ZFHX3: variants seen among roughly 807,000 people sequenced by gnomAD.
ZFHX3 encodes zinc finger homeobox protein 3.
A neutral mutation model predicts 279.1 loss-of-function variants in ZFHX3; 42 were observed. The observed-to-expected ratio is 0.15, with a 90% CI of 0.12 to 0.19. The LOEUF (loss-of-function observed/expected upper bound fraction) is 0.19, where lower values mean the gene tolerates loss of function less well. ZFHX3 is among the 10% of genes least tolerant of loss of function. ZFHX3 has a pLI of 1.00. For synonymous variants in ZFHX3, 2,293 were observed against 1,957.8 expected (o/e 1.17, Z -4.52); for missense variants, 4,981 against 4,754.0 (o/e 1.05, Z -1.40).
At chr16:73,234,711 T>C (rs1476310999) in intron 5 of ZFHX3, among the ~76,000 whole-genome samples, 1 of 152,218 alleles carries the variant, frequency 6.6e-6, no homozygotes, top group Non-Finnish European at 1.5e-5. Context: ...ATGAACTTTA[T>C]CTTCCTAACT....
intron 2 of ZFHX3, among the ~76,000 whole-genome samples, chr16:73,590,683 C>T (rs78887196): frequency 0.014 from 2,198 of 152,222 alleles, 60 homozygotes; most frequent in African/African-American, 0.048. Context: ...TTACCTGTAA[C>T]GAGATATTTG....
intron 1 of ZFHX3, among the ~76,000 whole-genome samples, chr16:72,998,519 A>T (rs142211793): frequency 6.6e-6 from 1 of 152,240 alleles, no homozygotes; most frequent in Admixed American, 6.5e-5. Context: ...GGTTTTATTA[A>T]GACAGTTTCC....
chr16:73,799,516 C>G (rs1162980247), intron 1 of ZFHX3, among the ~76,000 whole-genome samples: 1 of 152,148 alleles, frequency 6.6e-6, no homozygotes, highest in Non-Finnish European at 1.5e-5. Flanking sequence ...ATGCTTGCTG[C>G]ACTCAGGGAG....
intron 1 of ZFHX3, among the ~76,000 whole-genome samples, chr16:73,692,249 G>A (rs555673882): frequency 3.7e-4 from 56 of 152,256 alleles, no homozygotes; most frequent in African/African-American, 1.2e-3. Flanking sequence ...GCAAAAGTGT[G>A]GACAGGAGGT....
intron 1 of ZFHX3, among the ~76,000 whole-genome samples, chr16:72,966,013 G>A (rs1034219679): frequency 1.8e-4 from 27 of 152,142 alleles, no homozygotes; most frequent in African/African-American, 6.5e-4. Context: ...TTTATATCCA[G>A]GATGGCAAAA....
intron 1 of ZFHX3, chr16:73,809,380 C>T (rs550069670): frequency 2.0e-5 from 3 of 152,346 alleles, no homozygotes; most frequent in Admixed American, 6.5e-5. Flanking sequence ...CTGCCCCTTC[C>T]TCGGTAGGGA....
intron 7 of ZFHX3, among the ~76,000 whole-genome samples, chr16:73,121,252 G>A (rs1268688305): frequency 1.3e-5 from 2 of 152,148 alleles, no homozygotes; most frequent in Non-Finnish European, 2.9e-5. Context: ...TATAAAATAT[G>A]CACTGGCTTT....
intron 3 of ZFHX3, among the ~76,000 whole-genome samples, chr16:72,945,729 G>A (rs879039086): frequency 1.3e-5 from 2 of 151,992 alleles, no homozygotes; most frequent in Admixed American, 6.6e-5. Context: ...CCAGAATCCC[G>A]ACGCAAACCA....
chr16:73,042,801 T>A (rs1266019757), intron 1 of ZFHX3, among the ~76,000 whole-genome samples: 1 of 151,974 alleles, frequency 6.6e-6, no homozygotes, highest in South Asian at 2.1e-4. Context: ...CCACTTCCAG[T>A]CCAAGTCTCC....
intron 2 of ZFHX3, among the ~76,000 whole-genome samples, chr16:73,616,426 A>T (rs530619677): frequency 2.5e-5 from 3 of 121,788 alleles, no homozygotes; most frequent in Non-Finnish European, 5.1e-5. Flanking sequence ...GCAACTATGG[A>T]GGAAAAAAAA....
intron 1 of ZFHX3, among the ~76,000 whole-genome samples, chr16:73,733,658 A>G (rs1033202945): frequency 5.3e-5 from 8 of 152,224 alleles, no homozygotes; most frequent in Non-Finnish European, 1.0e-4. Context: ...GTTGTATAAT[A>G]TTAATTTTGT....
At chr16:72,800,579 G>A (rs145297941) in intron 7 of ZFHX3, among the ~76,000 whole-genome samples, 2 of 152,272 alleles carry the variant, frequency 1.3e-5, no homozygotes, top group Admixed American at 1.3e-4. Flanking sequence ...TTTTCAGAAC[G>A]TATTCAGGCA....
chr16:73,377,919 G>C (rs8047763), intron 3 of ZFHX3, among the ~76,000 whole-genome samples: 31,835 of 150,360 alleles, frequency 0.21, 3,513 homozygotes, highest in Middle Eastern at 0.31. Context: ...TGTAGTCCCA[G>C]CTACTCAGGA....
chr16:72,833,833 G>T (rs1383279284), intron 4 of ZFHX3, among the ~76,000 whole-genome samples: 3 of 152,150 alleles, frequency 2.0e-5, no homozygotes, highest in Admixed American at 6.5e-5. Flanking sequence ...ACCCCCTCCT[G>T]TGTGTGTTTT....
chr16:72,861,558 C>A (rs111907252), intron 4 of ZFHX3, among the ~76,000 whole-genome samples: 1 of 152,122 alleles, frequency 6.6e-6, no homozygotes, highest in Non-Finnish European at 1.5e-5. Flanking sequence ...CCTAATACCC[C>A]CAAGGAAGCC....
intron 5 of ZFHX3, among the ~76,000 whole-genome samples, chr16:73,184,911 C>T (rs981846127): frequency 2.6e-5 from 4 of 152,128 alleles, no homozygotes; most frequent in African/African-American, 7.2e-5. Context: ...AAAGTAGGAA[C>T]CAGGCTGGTG....
intron 3 of ZFHX3, among the ~76,000 whole-genome samples, chr16:73,351,219 T>C (rs1030605152): frequency 1.3e-5 from 2 of 152,216 alleles, no homozygotes; most frequent in African/African-American, 4.8e-5. Context: ...AGCCTGCTGC[T>C]AGTACTGTCC....
At chr16:73,589,435 CA>C (rs35416481) in intron 2 of ZFHX3, among the ~76,000 whole-genome samples, 86,237 of 136,040 alleles carry the variant, frequency 0.63, 26,982 homozygotes, top group East Asian at 0.88. Flanking sequence ...GACGCTCTTT[CA>C]AAAAAAAAAA....
chr16:72,892,596 C>T (rs1213191404), intron 3 of ZFHX3, among the ~76,000 whole-genome samples: 2 of 151,824 alleles, frequency 1.3e-5, no homozygotes, highest in African/African-American at 4.8e-5. Context: ...CAACCTCTGC[C>T]TCCTGGATTC....
Sources: allele counts gnomAD v4.1 joint callset (sites outside exome capture counted in the v4.1 genomes callset), GRCh38; gene constraint gnomAD v4.1.1; transcripts MANE v1.5; gene names NCBI Gene and HGNC (gene_info 2026-07-23, HGNC 2026-07-21).